ASGR1: variants seen among roughly 807,000 people sequenced by gnomAD.
The protein encoded by ASGR1 is asialoglycoprotein receptor 1, also known as C-type lectin domain family 4 member H1.
A neutral mutation model predicts 33.1 loss-of-function variants in ASGR1; 35 were observed. The observed-to-expected ratio is 1.06, with a 90% CI of 0.81 to 1.40. ASGR1 has a LOEUF of 1.40. ASGR1 is among the 40% of genes most tolerant of loss of function. The pLI, the probability that ASGR1 is intolerant of heterozygous loss-of-function variation, is 0.00. For synonymous variants in ASGR1, 142 were observed against 152.5 expected (o/e 0.93, Z 0.51); for missense variants, 396 against 373.7 (o/e 1.06, Z -0.49).
At position 7,176,861 on chromosome 17, in the gene ASGR1, C is replaced by T; in HGVS notation, c.324G>A (p.Gln108=). 1 of 1,613,234 alleles carries T rather than the reference C, an allele frequency of 6.2e-7. No individual in the cohort carries two copies. The highest frequency in any genetic ancestry group is 1.1e-5 in the South Asian group (1 of 91,082). Residue 108 remains glutamine, a synonymous_variant, in exon 5 of 9, where the codon CAG becomes CAA. Coordinates refer to ENST00000269299, the MANE Select transcript of ASGR1 (RefSeq NM_001671.5). ...TCAGGTCCTTCTGCTGTTTCTCCAG[C>T]TGGGACTCTAGCGACTTCATCTTTC... is the stretch of plus-strand genomic sequence containing the variant. The part of the protein sequence containing the change: ...VGRKMKSLES[Q]LEKQQKDLSE...
chr17:7,176,931 A>G, intron 4 of ASGR1, 30 bp from the exon 5 acceptor site: 1 of 1,609,702 alleles, frequency 6.2e-7, no homozygotes, highest in Non-Finnish European at 8.5e-7. Context: ...AGCGTTCCCG[A>G]CAGCCCCCCA....
chr17:7,176,483 ACTCT>A (rs992769081), intron 5 of ASGR1: 9 of 404,520 alleles, frequency 2.2e-5, no homozygotes, highest in South Asian at 1.3e-4. Flanking sequence ...TCTCACACAC[ACTCT>A]ATCTCATTCT....
Position 7,174,476 on chromosome 17 carries a change from G to C in ASGR1, c.356-16C>G. On this transcript the variant is annotated splice_polypyrimidine_tract_variant and intron_variant, in intron 5 of 8. Coordinates refer to ENST00000269299, the MANE Select transcript of ASGR1 (RefSeq NM_001671.5). ...CTGGAGTGATCTGGGGAGACCGGGC[G>C]GAGGGGAGCGGGAGGAGATGCGGAA... 1.2e-6 allele frequency: 2 copies of C among 1,608,630 alleles called. No homozygotes were observed. The highest frequency in any genetic ancestry group is 2.2e-5 in the South Asian group (2 of 90,440).
rs772157233 is a variant in ASGR1, at chr17:7,178,511, T to C, written c.53A>G (p.His18Arg). 13 of 1,613,938 alleles carry C rather than the reference T, an allele frequency of 8.1e-6. No individual in the cohort carries two copies. Among genetic ancestry groups the C allele is most frequent in the African/African-American group, 1.3e-5 (1 of 74,884 alleles). ...GCCCTCACCTTTTCTGAGCTGATGG[T>C]GGTCACTCTCCTCATTGTCCAGATG... ...LQHLDNEESD[H>R]HQLRKGPPPP... The change falls in exon 2 of 9, where the codon CAC becomes CGC. Residue 18 changes from histidine to arginine, a missense_variant. Coordinates refer to ENST00000269299, the MANE Select transcript of ASGR1 (RefSeq NM_001671.5).
rs376738856 is a variant in ASGR1 at position 7,174,120 on chromosome 17, G to C, written c.594+18C>G. 1.2e-6 allele frequency: 2 copies of C among 1,613,972 alleles called. No homozygotes were observed. The highest frequency in any genetic ancestry group is 8.5e-7 in the Non-Finnish European group (1 of 1,179,954). On this transcript the variant is annotated intron_variant, in intron 7 of 8. Transcript: ENST00000269299. The stretch of plus-strand genomic sequence containing the variant: ...CTCTCCGAGGCCAGCCAGCCTCCCA[G>C]ACCCTCCGGGTCCTCACCTGCTCCT...
At position 7,173,690 on chromosome 17, in the gene ASGR1, T is replaced by C. The variant is rs748765611; in HGVS notation, c.845A>G (p.Asp282Gly). The C allele has an allele frequency of 6.2e-7, 1 of 1,613,804 alleles. No homozygotes were observed. Among genetic ancestry groups the C allele is most frequent in the Non-Finnish European group, 8.5e-7 (1 of 1,180,032 alleles). The change falls in exon 9 of 9, where the codon GAC becomes GGC. Residue 282 changes from aspartate to glycine, a missense_variant. Asp to Gly is a moderately conservative substitution (Grantham distance 94, BLOSUM62 -1). Transcript: ENST00000269299. The surrounding 1 kb of genome is among the most constrained non-coding windows in gnomAD (Gnocchi z 4.7). ...PYRWVCETEL[D>G]KASQEPPLL ...GAGAGGTGGCTCCTGGCTGGCCTTGTCCAGCTCTGTCTCGCAGACCCAGCG... is the reference window on the plus strand; with the variant it reads ...GAGAGGTGGCTCCTGGCTGGCCTTGCCCAGCTCTGTCTCGCAGACCCAGCG...
In ASGR1 at chr17:7,176,877, T is replaced by G; in HGVS notation, c.308A>C (p.Lys103Thr). 2.5e-6 allele frequency: 4 copies of G among 1,613,242 alleles called. No individual in the cohort carries two copies. The highest frequency in any genetic ancestry group is 3.4e-6 in the Non-Finnish European group (4 of 1,180,002). The change falls in exon 5 of 9, where the codon AAG becomes ACG. Residue 103 changes from lysine (K) to threonine (T), a missense_variant. Physicochemically the swap from Lys to Thr is moderately conservative, Grantham distance 78 (BLOSUM62 -1). Coordinates refer to ENST00000269299, the MANE Select transcript of ASGR1 (RefSeq NM_001671.5). ...TQGGNVGRKM[K>T]SLESQLEKQQ... ...TTTCTCCAGCTGGGACTCTAGCGAC[T>G]TCATCTTTCTTCCCACATTGCCTCC...
intron 2 of ASGR1, 35 bp downstream of exon 2, chr17:7,178,459 C>A: frequency 1.2e-6 from 2 of 1,604,400 alleles, no homozygotes; most frequent in Non-Finnish European, 1.7e-6. Context: ...CCGCCAAATT[C>A]TCGCCTTGCA....
chr17:7,178,730 T>C (rs2069244573), intron 1 of ASGR1, 142 bp from the exon 2 acceptor site: 2 of 186,530 alleles, frequency 1.1e-5, no homozygotes, highest in Non-Finnish European at 2.3e-5. Context: ...TTTTCTTTTT[T>C]TTCTTTTCTT....
chr17:7,177,368 A>T (rs1461328199), intron 2 of ASGR1, 42 bp from the exon 3 acceptor site: 1 of 1,532,622 alleles, frequency 6.5e-7, no homozygotes, highest in Non-Finnish European at 9.0e-7. Context: ...GACAGAGGGG[A>T]CCCTGGCACA....
intron 2 of ASGR1, chr17:7,178,048 G>A (rs1009704055): frequency 1.1e-5 from 2 of 180,124 alleles, no homozygotes; most frequent in Non-Finnish European, 2.4e-5. Context: ...ACCCCTCATC[G>A]CCCCCCTCAC....
chr17:7,178,745 T>C (rs1432449421), intron 1 of ASGR1, 157 bp from the exon 2 acceptor site: 6 of 539,446 alleles, frequency 1.1e-5, no homozygotes, highest in Admixed American at 3.3e-5. Flanking sequence ...TTTCTTTTTT[T>C]TTTTTTTTTT....
At chr17:7,174,962 A>G (rs978573649) in intron 5 of ASGR1, among the ~76,000 whole-genome samples, 1 of 149,796 alleles carries the variant, frequency 6.7e-6, no homozygotes, top group Non-Finnish European at 1.5e-5. Context: ...ACAGACACAC[A>G]ACACACCCTT....
intron 5 of ASGR1, among the ~76,000 whole-genome samples, chr17:7,175,155 C>G (rs890184132): frequency 1.4e-5 from 2 of 141,672 alleles, no homozygotes; most frequent in African/African-American, 5.2e-5. Context: ...ACACACAAAA[C>G]ACACACACAA....
At chr17:7,176,004 A>G (rs1439109036) in intron 5 of ASGR1, among the ~76,000 whole-genome samples, 4 of 141,734 alleles carry the variant, frequency 2.8e-5, no homozygotes, top group African/African-American at 5.9e-5. Context: ...ATTCTCACAC[A>G]TAAACACAGA....
Position 7,174,149 on chromosome 17 carries a change from A to G in ASGR1, c.583T>C (p.Trp195Arg), listed in dbSNP as rs1030088013. 6.2e-7 allele frequency: 1 copy of G among 1,614,134 alleles called. No homozygotes were observed. The highest frequency in any genetic ancestry group is 1.7e-5 in the Admixed American group (1 of 60,024). The change falls in exon 7 of 9, where the codon TGG (tryptophan) becomes CGG (arginine). Residue 195 changes from tryptophan to arginine, a missense_variant. By Grantham distance (101) the Trp-to-Arg change is moderately radical. Coordinates refer to ENST00000269299, the MANE Select transcript of ASGR1 (RefSeq NM_001671.5). ...CTCCGGGTCCTCACCTGCTCCTCCC[A>G]GGACGTGACCACCACCAGGTGCGCG... ...EDAHLVVVTS[W>R]EEQKFVQHHI...
rs1287707720 is a variant in ASGR1 at position 7,178,330 on chromosome 17, G to GC, written c.70+163dup. The GC allele has an allele frequency of 3.7e-5, 27 of 734,372 alleles. No individual in the cohort carries two copies. The Admixed American group carries it at 6.0e-4, about 16-fold the overall frequency. The allele number at this position is 734,372 out of a possible 1,614,324, so 45.5% of individuals were successfully genotyped here. A position where few individuals can be genotyped will look rare whatever the true frequency, so the allele number is the denominator to read the frequency against. ...TAAAGGGACTCCAACCCCACACTCCGCCCCTCTCCTGAGAGAGGCAGTTCC... is the reference window on the plus strand; with the variant it reads ...TAAAGGGACTCCAACCCCACACTCCGCCCCCTCTCCTGAGAGAGGCAGTTCC... On this transcript the variant is annotated intron_variant, in intron 2 of 8. Coordinates refer to ENST00000269299, the MANE Select transcript of ASGR1 (RefSeq NM_001671.5).
intron 5 of ASGR1, among the ~76,000 whole-genome samples, chr17:7,175,695 A>G (rs111165010): frequency 0.035 from 5,267 of 149,420 alleles, 170 homozygotes; most frequent in Middle Eastern, 0.11. Flanking sequence ...ACACACACCC[A>G]CACTCCCTCA....
intron 5 of ASGR1, among the ~76,000 whole-genome samples, chr17:7,175,228 C>G (rs533080193): frequency 6.6e-6 from 1 of 151,032 alleles, no homozygotes; most frequent in East Asian, 2.0e-4. Flanking sequence ...CACACCCACT[C>G]ACACACAAAA....
Sources: gnomAD v4.1 joint callset for allele counts (sites outside exome capture counted in the v4.1 genomes callset) on GRCh38, gnomAD v4.1.1 for gene constraint, Gnocchi (gnomAD v3.1) non-coding constraint, MANE v1.5 for transcripts, NCBI Gene and HGNC (gene_info 2026-07-23, HGNC 2026-07-21) for gene names.